Variants in ACSS1 observed in about 807,000 individuals in gnomAD.
ACSS1 encodes the protein acyl-CoA synthetase short chain family member 1, also known as acetyl-coenzyme A synthetase 2-like, mitochondrial.
A neutral mutation model predicts 75.3 loss-of-function variants in ACSS1; 42 were observed. The ratio of observed to expected loss-of-function variants is 0.56; its 90% CI spans 0.44 to 0.72. The LOEUF (loss-of-function observed/expected upper bound fraction) is 0.72, where lower values mean the gene tolerates loss of function less well. Among genes scored for constraint, ACSS1 ranks in the 30% least tolerant of loss-of-function variants. The pLI is 0.00. For synonymous variants in ACSS1, 380 were observed against 376.8 expected (o/e 1.01, Z -0.10); for missense variants, 782 against 935.7 (o/e 0.84, Z 2.14).
chr20:25,014,669 A>C (rs748786182), intron 8 of ACSS1, among the ~76,000 whole-genome samples: 129 of 152,218 alleles, frequency 8.5e-4, no homozygotes, highest in Non-Finnish European at 1.2e-3. Flanking sequence ...AAGGGGGGAC[A>C]AATCCAAACA....
At chr20:25,020,188 C>T (rs1353723324) in intron 6 of ACSS1, 41 bp from the exon 7 acceptor site, 6 of 1,612,638 alleles carry the variant, frequency 3.7e-6, no homozygotes, top group African/African-American at 1.3e-5. Context: ...GGAGAGCTGA[C>T]ATGGTTTACT....
In ACSS1 at chr20:25,006,952, G is replaced by A. The variant is rs1167273520; in HGVS notation, c.*810C>T. 5.9e-6 allele frequency: 9 copies of A among 1,535,118 alleles called. No individual in the cohort carries two copies. In the East Asian group the frequency reaches 2.0e-4, roughly 33 times the overall value. On this transcript the variant is annotated 3_prime_UTR_variant, in exon 14 of 14. Coordinates refer to ENST00000323482, the MANE Select transcript of ACSS1 (RefSeq NM_032501.4). ...TTGCCTCTCCTATCAAGAGGCATCT[G>A]GGGGCACAAAAATCTTTCTGGATCA... is the stretch of plus-strand genomic sequence containing the variant.
intron 2 of ACSS1, among the ~76,000 whole-genome samples, chr20:25,036,881 G>A (rs1213960393): frequency 6.6e-6 from 1 of 151,756 alleles, no homozygotes; most frequent in Non-Finnish European, 1.5e-5. Context: ...CTTGAACCCA[G>A]GAGGTGGAGA....
At chr20:25,050,216 C>T (rs935065528) in intron 1 of ACSS1, among the ~76,000 whole-genome samples, 2 of 152,120 alleles carry the variant, frequency 1.3e-5, no homozygotes, top group African/African-American at 2.4e-5. Flanking sequence ...ATTTAAAAAT[C>T]GAGAGCTTTC....
chr20:25,025,741 C>T (rs879623395), intron 3 of ACSS1, among the ~76,000 whole-genome samples: 10 of 152,182 alleles, frequency 6.6e-5, no homozygotes, highest in African/African-American at 1.7e-4. Flanking sequence ...ACAGCCACCA[C>T]CTGCCCTGGT....
In ACSS1 at chr20:25,015,238, C is replaced by A; in HGVS notation, c.1247-8G>T. Reference sequence around the variant, plus strand: ...AGTTGATGGGCTCTCCCACTGAAACCACACAGAAAGAAAAAGATGTTAACA... The same window carrying A: ...AGTTGATGGGCTCTCCCACTGAAACAACACAGAAAGAAAAAGATGTTAACA... On this transcript the variant is annotated splice_polypyrimidine_tract_variant and splice_region_variant and intron_variant, in intron 7 of 13. Coordinates refer to ENST00000323482, the MANE Select transcript of ACSS1 (RefSeq NM_032501.4). 1 of 1,596,994 alleles carries A rather than the reference C, an allele frequency of 6.3e-7. No individual in the cohort carries two copies. Among genetic ancestry groups the A allele is most frequent in the Admixed American group, 1.7e-5 (1 of 57,560 alleles).
chr20:25,048,882 G>A (rs141914952), intron 1 of ACSS1, among the ~76,000 whole-genome samples: 82 of 152,254 alleles, frequency 5.4e-4, no homozygotes, highest in African/African-American at 1.7e-3. Context: ...GGGCCCCTCC[G>A]CTGGCAGGCT....
intron 3 of ACSS1, among the ~76,000 whole-genome samples, chr20:25,025,262 C>T (rs1415337805): frequency 6.6e-6 from 1 of 152,222 alleles, no homozygotes; most frequent in Non-Finnish European, 1.5e-5. Context: ...TCCAGGGCCT[C>T]CCTGCCCAGT....
intron 3 of ACSS1, among the ~76,000 whole-genome samples, chr20:25,028,521 A>G (rs200272664): frequency 6.6e-6 from 1 of 152,360 alleles, no homozygotes; most frequent in African/African-American, 2.4e-5. Flanking sequence ...AGGGAAAAGA[A>G]CAGCCTCTTT....
At chr20:25,033,985 G>A (rs1305299811) in intron 2 of ACSS1, among the ~76,000 whole-genome samples, 1 of 152,212 alleles carries the variant, frequency 6.6e-6, no homozygotes, top group African/African-American at 2.4e-5. Flanking sequence ...GCTGAAGCAG[G>A]GTCTGGTGAG....
Position 25,021,493 on chromosome 20 carries a change from G to A in ACSS1, c.1004C>T (p.Ala335Val). 2 of 1,614,240 alleles carry A rather than the reference G, an allele frequency of 1.2e-6. No individual in the cohort carries two copies. The highest frequency in any genetic ancestry group is 8.5e-7 in the Non-Finnish European group (1 of 1,180,036). The change falls in exon 6 of 14, where the codon GCC becomes GTC. Residue 335 changes from alanine (A) to valine (V), a missense_variant. Coordinates refer to ENST00000323482, the MANE Select transcript of ACSS1 (RefSeq NM_032501.4). ...HQPGDIFGCV[A>V]DIGWITGHSY... is the part of the protein sequence containing the mutation. ...GTGTCCTGTAATCCAACCGATGTCG[G>A]CCACACAGCCAAAGATGTCACCTGG...
At chr20:25,024,895 C>A (rs74964640) in intron 3 of ACSS1, among the ~76,000 whole-genome samples, 2,410 of 152,284 alleles carry the variant, frequency 0.016, 79 homozygotes, top group African/African-American at 0.054. Context: ...GATGCAGCCA[C>A]CCCTGCATCT....
rs530356974 is a variant in ACSS1, at chr20:25,056,840, C to T, written c.334+929G>A. Among the ~76,000 whole-genome samples the T allele has an allele frequency of 2.6e-5, 4 of 152,366 alleles. 1 individual carries two copies. In the South Asian group the frequency reaches 8.3e-4, roughly 32 times the overall value. The stretch of plus-strand genomic sequence containing the variant: ...AACACCGTGTCTGCCAGCCCCTCCC[C>T]GCAGGCCCCACACCCAGGCCCACCC... On this transcript the variant is annotated intron_variant, in intron 1 of 13. Transcript: ENST00000323482.
At chr20:25,038,843 C>T (rs2122717142) in intron 2 of ACSS1, among the ~76,000 whole-genome samples, 1 of 152,298 alleles carries the variant, frequency 6.6e-6, no homozygotes, top group East Asian at 1.9e-4. Context: ...TCTGCACAGC[C>T]TACCACCATC....
rs1184887948 is a variant in ACSS1 at position 25,023,613 on chromosome 20, G to A, written c.660C>T (p.Asn220=). ...CCACGCGCCCACCCCGGAGTCCTTG[G>A]TTGAAGGTGATAACCACCTTGCACT... ...DAKCKVVITF[N]QGLRGGRVVE... Residue 220 remains asparagine (N), a synonymous_variant, in exon 4 of 14, where the codon AAC becomes AAT. Coordinates refer to ENST00000323482, the MANE Select transcript of ACSS1 (RefSeq NM_032501.4). 6.2e-7 allele frequency: 1 copy of A among 1,610,958 alleles called. No homozygotes were observed. The highest frequency in any genetic ancestry group is 1.7e-5 in the Admixed American group (1 of 59,878).
chr20:25,048,097 C>G lies in ACSS1; in HGVS notation c.419G>C (p.Arg140Thr). ...WERDEPGTEV[R>T]ITYRELLETT... The stretch of plus-strand genomic sequence containing the variant: ...GAGGGCACAGTACCTGTAGGTGATC[C>G]TCACTTCCGTTCCAGGCTCATCGCG... The change falls in exon 2 of 14, where the codon AGG (arginine) becomes ACG (threonine). Residue 140 changes from arginine (R) to threonine (T), a missense_variant. Coordinates refer to ENST00000323482, the MANE Select transcript of ACSS1 (RefSeq NM_032501.4). 6.2e-7 allele frequency: 1 copy of G among 1,613,772 alleles called. No individual in the cohort carries two copies. Among genetic ancestry groups the G allele is most frequent in the Non-Finnish European group, 8.5e-7 (1 of 1,179,958 alleles).
In ACSS1 at chr20:25,020,028, G is replaced by C; in HGVS notation, c.1228C>G (p.Leu410Val). 6.2e-7 allele frequency: 1 copy of C among 1,614,220 alleles called. No individual in the cohort carries two copies. The highest frequency in any genetic ancestry group is 1.1e-5 in the South Asian group (1 of 91,092). ...AWVKKYDRSS[L>V]RTLGSVGEPI... ...CGCTCACCTGACCCCAGGGTCCGCA[G>C]GGAGGAGCGATCATACTTCTTCACC... Residue 410 changes from leucine to valine, a missense_variant, in exon 7 of 14, where the codon CTG (leucine) becomes GTG (valine). This residue lies in a region of ACSS1 where 405 missense variants were observed against 552.6 expected (regional missense o/e 0.73). Transcript: ENST00000323482.
chr20:25,054,527 C>T (rs560915352), intron 1 of ACSS1, among the ~76,000 whole-genome samples: 6 of 152,358 alleles, frequency 3.9e-5, no homozygotes, highest in South Asian at 2.1e-4. Context: ...TTCCCCAGGT[C>T]GGAAGATGCC....
chr20:25,015,279 T>A, intron 7 of ACSS1, 49 bp from the exon 8 acceptor site: 1 of 1,487,614 alleles, frequency 6.7e-7, no homozygotes, highest in Non-Finnish European at 9.2e-7. Flanking sequence ...CAAATAAACC[T>A]GAAACCAAAG....
Sources: gnomAD v4.1 joint callset for allele counts (sites outside exome capture counted in the v4.1 genomes callset) on GRCh38, gnomAD v4.1.1 for gene constraint, gnomAD v4.1.1 regional missense constraint, MANE v1.5 for transcripts, NCBI Gene and HGNC (gene_info 2026-07-23, HGNC 2026-07-21) for gene names.